Variants in CNOT9 observed in about 807,000 individuals in gnomAD.
The protein encoded by CNOT9 is RCD1 required for cell differentiation1 homolog.
A neutral mutation model predicts 37.4 loss-of-function variants in CNOT9; 8 were observed. The observed-to-expected ratio is 0.21, with a 90% CI of 0.13 to 0.39. The LOEUF (loss-of-function observed/expected upper bound fraction) is 0.39, where lower values mean the gene tolerates loss of function less well. CNOT9 is among the 10% of genes least tolerant of loss of function. The pLI is 1.00. For missense variants in CNOT9, 154 were observed against 365.3 expected (o/e 0.42, Z 4.71); for synonymous variants, 120 against 137.6 (o/e 0.87, Z 0.90).
chr2:218,573,914 A>G, intron 1 of CNOT9: 1 of 304,316 alleles, frequency 3.3e-6, no homozygotes, highest in South Asian at 2.5e-5. Flanking sequence ...TTTTGATAAT[A>G]TGAAAGTTTT....
Position 218,583,105 on chromosome 2 carries a change from T to TATA in CNOT9, c.320+19_320+20insATA, listed in dbSNP as rs1349278565. 1.1e-5 allele frequency: 16 copies of TATA among 1,497,002 alleles called. No individual in the cohort carries two copies. The highest frequency in any genetic ancestry group is 1.5e-5 in the Non-Finnish European group (16 of 1,074,554). The allele number at this position is 1,497,002 out of a possible 1,614,324, so 92.7% of individuals were successfully genotyped here. On this transcript the variant is annotated intron_variant, in intron 3 of 7. Coordinates refer to ENST00000273064, the MANE Select transcript of CNOT9 (RefSeq NM_005444.3). The stretch of plus-strand genomic sequence containing the variant: ...AAACCAGGTAAATGCTTTGGGTGAG[T>TATA]CACTTGGGGGAGATATACATTGAAT...
At chr2:218,569,048 A>G (rs1025745622) in intron 1 of CNOT9, 70 bp downstream of exon 1, 1 of 1,554,508 alleles carries the variant, frequency 6.4e-7, no homozygotes, top group Non-Finnish European at 8.8e-7. Context: ...CTTCTCTCCT[A>G]ATTCCCGGTG....
chr2:218,574,737 A>C (rs915255592), intron 1 of CNOT9, among the ~76,000 whole-genome samples: 1 of 152,230 alleles, frequency 6.6e-6, no homozygotes, highest in African/African-American at 2.4e-5. Context: ...TTTCTGGAAA[A>C]GGCAGACCTA....
At chr2:218,588,381 C>T (rs914856627) in intron 5 of CNOT9, among the ~76,000 whole-genome samples, 1 of 151,418 alleles carries the variant, frequency 6.6e-6, no homozygotes, top group African/African-American at 2.4e-5. Context: ...CTCCGCCTCC[C>T]GGGTTCAAGC....
intron 2 of CNOT9, among the ~76,000 whole-genome samples, chr2:218,581,448 G>T (rs1304159938): frequency 6.6e-6 from 1 of 152,016 alleles, no homozygotes; most frequent in Non-Finnish European, 1.5e-5. Context: ...GAGATTACAG[G>T]CATGAGCCAC....
At chr2:218,572,081 G>A (rs953598882) in intron 1 of CNOT9, among the ~76,000 whole-genome samples, 24 of 151,992 alleles carry the variant, frequency 1.6e-4, no homozygotes, top group African/African-American at 5.8e-4. Context: ...AGCACTTTGG[G>A]AGGCCAAGGC....
chr2:218,585,968 A>G (rs1429936056), intron 4 of CNOT9, among the ~76,000 whole-genome samples: 3 of 152,150 alleles, frequency 2.0e-5, no homozygotes, highest in African/African-American at 7.2e-5. Context: ...GCCATTTATA[A>G]CAGCACCGAA....
At position 218,582,990 on chromosome 2, in the gene CNOT9, C is replaced by T; in HGVS notation, c.224C>T (p.Pro75Leu). 6.2e-7 allele frequency: 1 copy of T among 1,608,516 alleles called. No individual in the cohort carries two copies. Among genetic ancestry groups the T allele is most frequent in the Non-Finnish European group, 8.5e-7 (1 of 1,176,058 alleles). The change falls in exon 3 of 8, where the codon CCA (proline) becomes CTA (leucine). Residue 75 changes from proline (P) to leucine (L), a missense_variant. Around this residue, in one of 2 missense-constraint regions of CNOT9, gnomAD observed 117 missense variants for 325.4 expected, o/e 0.36. Coordinates refer to ENST00000273064, the MANE Select transcript of CNOT9 (RefSeq NM_005444.3). ...TTTTAGGAAATTGTAAATATTTATC[C>T]ATCTATCAACCCACCCACCTTGACA... ...ALLQEIVNIYPSINPPTLTAH... is the reference protein window; with the variant it reads ...ALLQEIVNIYLSINPPTLTAH...
rs1694917563 is a variant in CNOT9 at position 218,595,986 on chromosome 2, G to A, written c.*1710G>A. On this transcript the variant is annotated 3_prime_UTR_variant, in exon 8 of 8. Coordinates refer to ENST00000273064, the MANE Select transcript of CNOT9 (RefSeq NM_005444.3). ...AATAATTGCAAGCCTGAAGAGAAGT[G>A]ATCTTAGAGAAAGCAGAGAACAGAA... 6.6e-6 allele frequency: 1 copy of A among 152,190 alleles called. No individual in the cohort carries two copies. Among genetic ancestry groups the A allele is most frequent in the Non-Finnish European group, 1.5e-5 (1 of 68,046 alleles). 9.4% of individuals were successfully genotyped at this position (152,190 alleles called of 1,614,324 possible). A position where few individuals can be genotyped will look rare whatever the true frequency, so the allele number is the denominator to read the frequency against.
chr2:218,581,133 A>G, intron 2 of CNOT9: 2 of 268,790 alleles, frequency 7.4e-6, no homozygotes, highest in Non-Finnish European at 1.5e-5. Context: ...TATTCTATGG[A>G]AAAGAAATGG....
chr2:218,577,641 AAG>A (rs1694216997), intron 1 of CNOT9, among the ~76,000 whole-genome samples: 2 of 152,196 alleles, frequency 1.3e-5, no homozygotes, highest in East Asian at 1.9e-4. Flanking sequence ...CAGCTCCAGA[AAG>A]AGAATATGTA....
intron 7 of CNOT9, among the ~76,000 whole-genome samples, chr2:218,593,313 G>C (rs1694842178): frequency 6.6e-6 from 1 of 152,186 alleles, no homozygotes; most frequent in African/African-American, 2.4e-5. Flanking sequence ...AGCTTGATTT[G>C]ATTTAATGTG....
chr2:218,571,847 G>A (rs1380483381), intron 1 of CNOT9, among the ~76,000 whole-genome samples: 4 of 149,286 alleles, frequency 2.7e-5, no homozygotes, highest in Non-Finnish European at 5.9e-5. Flanking sequence ...AGCCCCCAAA[G>A]TGCTGGGATT....
intron 5 of CNOT9, among the ~76,000 whole-genome samples, chr2:218,589,995 TG>T (rs559964029): frequency 5.6e-4 from 85 of 152,178 alleles, no homozygotes; most frequent in Admixed American, 1.6e-3. Flanking sequence ...GAACATTGAC[TG>T]GGGAAAGGTA....
chr2:218,578,615 C>T lies in CNOT9; in HGVS notation c.25-1946C>T, dbSNP rs182835135. ...AATTGAGTGAGTTAATTCCTCTGAA[C>T]ATTAGTGATCTCATCTGCAAGTGTA... On this transcript the variant is annotated intron_variant, in intron 1 of 7. Coordinates refer to ENST00000273064, the MANE Select transcript of CNOT9 (RefSeq NM_005444.3). Among the ~76,000 whole-genome samples the T allele has an allele frequency of 2.0e-5, 3 of 152,272 alleles. No homozygotes were observed. In the East Asian group the frequency reaches 5.8e-4, roughly 29 times the overall value.
At chr2:218,582,279 C>A (rs1213287774) in intron 2 of CNOT9, among the ~76,000 whole-genome samples, 1 of 152,188 alleles carries the variant, frequency 6.6e-6, no homozygotes, top group Admixed American at 6.5e-5. Flanking sequence ...GTGATCTCAT[C>A]ACTGTAACTT....
At chr2:218,591,766 A>G (rs544263666) in intron 5 of CNOT9, among the ~76,000 whole-genome samples, 26 of 152,120 alleles carry the variant, frequency 1.7e-4, no homozygotes, top group African/African-American at 6.3e-4. Flanking sequence ...AAAAGAAAAA[A>G]GAAAGAAAGG....
chr2:218,576,128 A>G (rs899857654), intron 1 of CNOT9, among the ~76,000 whole-genome samples: 12 of 152,320 alleles, frequency 7.9e-5, no homozygotes, highest in African/African-American at 2.6e-4. Context: ...CCCTTCTTCT[A>G]CTGCCCGCCT....
rs1196684309 is a variant in CNOT9, at chr2:218,583,227, GTGTGTGTCTCTCTCTCTCTCTCTCTC to G, written c.320+143_320+168del. On this transcript the variant is annotated intron_variant, in intron 3 of 7. Transcript: ENST00000273064. ...TGTGTGTGTGTGTGTGTGTGTGTGTGTGTGTGTCTCTCTCTCTCTCTCTCTCTCTCTCTCTCTCTCTCTCTCTCTCT... is the reference window on the plus strand; with the variant it reads ...TGTGTGTGTGTGTGTGTGTGTGTGTGTCTCTCTCTCTCTCTCTCTCTCTCT... 1,385 of 209,808 alleles carry G rather than the reference GTGTGTGTCTCTCTCTCTCTCTCTCTC, an allele frequency of 6.6e-3. 3 individuals are homozygous for G. The highest frequency in any genetic ancestry group is 1.0e-2 in the East Asian group (106 of 10,634). The allele number at this position is 209,808 out of a possible 1,614,324, so 13.0% of individuals were successfully genotyped here.
Sources: gnomAD v4.1 joint callset for allele counts (sites outside exome capture counted in the v4.1 genomes callset) on GRCh38, gnomAD v4.1.1 for gene constraint, gnomAD v4.1.1 regional missense constraint, MANE v1.5 for transcripts, NCBI Gene and HGNC (gene_info 2026-07-23, HGNC 2026-07-21) for gene names.